The following ADGRL2 variants were observed in gnomAD, a reference collection of about 807,000 sequenced individuals.
ADGRL2 encodes calcium-independent alpha-latrotoxin receptor 2.
ADGRL2 carries 44 observed loss-of-function variants against 157.4 expected under a neutral mutation model. That is an observed-to-expected ratio of 0.28 (90% CI 0.22 to 0.36). The LOEUF is 0.36. Ranked by LOEUF, ADGRL2 falls within the 10% of genes least tolerant of loss-of-function variation. ADGRL2 has a pLI of 1.00. For synonymous variants in ADGRL2, 585 were observed against 624.7 expected (o/e 0.94, Z 0.95); for missense variants, 1,510 against 1,768.9 (o/e 0.85, Z 2.63).
rs71085382 is a variant in ADGRL2 at position 81,993,087 on chromosome 1, A to AT, written c.*1974dup. Among the ~76,000 whole-genome samples, 30 of 29,200 alleles carry AT rather than the reference A, an allele frequency of 1.0e-3. 3 individuals carry two copies. Among genetic ancestry groups the AT allele is most frequent in the African/African-American group, 1.2e-3 (7 of 5,762 alleles). The allele number at this position is 29,200 out of a possible 152,430, so 19.2% of individuals were successfully genotyped here. The stretch of plus-strand genomic sequence containing the variant: ...TATATATATATATATATATATATAT[A>AT]TTTTTTTTTTTTTTTTTTTTTTTTT... On this transcript the variant is annotated 3_prime_UTR_variant, in exon 24 of 24. Coordinates refer to ENST00000686636, the MANE Select transcript of ADGRL2 (RefSeq NM_001366006.2).
intron 6 of ADGRL2, among the ~76,000 whole-genome samples, chr1:81,947,132 G>A (rs187771840): frequency 2.6e-5 from 4 of 152,064 alleles, no homozygotes; most frequent in East Asian, 3.9e-4. Flanking sequence ...TGCATGATAC[G>A]GCATCCGGAT....
intron 11 of ADGRL2, among the ~76,000 whole-genome samples, chr1:81,964,293 T>C (rs1656400844): frequency 6.6e-6 from 1 of 152,100 alleles, no homozygotes; most frequent in African/African-American, 2.4e-5. Flanking sequence ...GATATTCTTC[T>C]TTCATCCTGT....
At chr1:81,632,651 C>G (rs909175189) in intron 3 of ADGRL2, among the ~76,000 whole-genome samples, 12 of 151,476 alleles carry the variant, frequency 7.9e-5, no homozygotes, top group African/African-American at 2.2e-4. Flanking sequence ...CCCAACTACT[C>G]GGGAGGCTGA....
chr1:81,487,644 C>CA (rs60645399), intron 2 of ADGRL2, among the ~76,000 whole-genome samples: 20 of 147,574 alleles, frequency 1.4e-4, no homozygotes, highest in South Asian at 4.3e-4. Flanking sequence ...GACTCCATCT[C>CA]AAAAAAAAAG....
At chr1:81,594,225 GC>G (rs896680178) in intron 3 of ADGRL2, among the ~76,000 whole-genome samples, 3 of 152,074 alleles carry the variant, frequency 2.0e-5, no homozygotes, top group Non-Finnish European at 2.9e-5. Context: ...CAATAAACAA[GC>G]AAATAGGAAT....
intron 3 of ADGRL2, chr1:81,586,028 C>T (rs2081018580): frequency 6.6e-6 from 1 of 151,962 alleles, no homozygotes; most frequent in Non-Finnish European, 1.5e-5. Flanking sequence ...ATAAAATTTA[C>T]ATCTCCAAAC....
intron 2 of ADGRL2, among the ~76,000 whole-genome samples, chr1:81,558,931 A>C (rs2080377087): frequency 1.3e-5 from 2 of 152,090 alleles, no homozygotes; most frequent in Admixed American, 1.3e-4. Context: ...GCTCACAAAC[A>C]ATAAAGAATT....
intron 1 of ADGRL2, among the ~76,000 whole-genome samples, chr1:81,759,086 T>C (rs1211525801): frequency 6.6e-6 from 1 of 152,160 alleles, no homozygotes; most frequent in African/African-American, 2.4e-5. Flanking sequence ...ATATAAGACC[T>C]GCACTTTAAA....
intron 1 of ADGRL2, among the ~76,000 whole-genome samples, chr1:81,309,599 T>G (rs577738835): frequency 6.6e-6 from 1 of 152,300 alleles, no homozygotes; most frequent in South Asian, 2.1e-4. Flanking sequence ...GATTCTGATT[T>G]TCCAACTCTT....
intron 2 of ADGRL2, among the ~76,000 whole-genome samples, chr1:81,776,139 C>G (rs1377646219): frequency 2.0e-5 from 3 of 151,796 alleles, no homozygotes; most frequent in Non-Finnish European, 2.9e-5. Flanking sequence ...AAAATTCTGA[C>G]TATAAGTGGT....
intron 2 of ADGRL2, among the ~76,000 whole-genome samples, chr1:81,863,757 C>T (rs1014491565): frequency 7.2e-5 from 11 of 152,096 alleles, no homozygotes; most frequent in Admixed American, 3.9e-4. Context: ...CACAAAGATA[C>T]GTAGTTGATT....
At chr1:81,893,814 C>T (rs977633978) in intron 2 of ADGRL2, among the ~76,000 whole-genome samples, 1 of 152,138 alleles carries the variant, frequency 6.6e-6, no homozygotes, top group Non-Finnish European at 1.5e-5. Context: ...TCCCTGCTTT[C>T]CCCTTTCCCC....
At chr1:81,729,752 T>C (rs1260161989) in intron 1 of ADGRL2, among the ~76,000 whole-genome samples, 1 of 152,216 alleles carries the variant, frequency 6.6e-6, no homozygotes, top group East Asian at 1.9e-4. Context: ...GAAAATAAAT[T>C]ACATTTAAGT....
At chr1:81,599,934 A>T (rs1474601204) in intron 3 of ADGRL2, among the ~76,000 whole-genome samples, 1 of 152,242 alleles carries the variant, frequency 6.6e-6, no homozygotes, top group Admixed American at 6.5e-5. Context: ...TCTGCAAAGC[A>T]AATTAAATGT....
intron 1 of ADGRL2, among the ~76,000 whole-genome samples, chr1:81,702,265 C>T (rs746856448): frequency 3.9e-5 from 6 of 152,162 alleles, no homozygotes; most frequent in Admixed American, 6.5e-5. Flanking sequence ...AGTAGGCAGG[C>T]ATCTACCTAC....
chr1:81,986,064 A>T (rs1663055230), intron 21 of ADGRL2, among the ~76,000 whole-genome samples: 1 of 152,172 alleles, frequency 6.6e-6, no homozygotes, highest in East Asian at 1.9e-4. Flanking sequence ...AAATGGAAAA[A>T]GGTGTATGTG....
At chr1:81,508,446 C>T (rs529048990) in intron 2 of ADGRL2, among the ~76,000 whole-genome samples, 5 of 152,146 alleles carry the variant, frequency 3.3e-5, no homozygotes, top group African/African-American at 9.7e-5. Flanking sequence ...ATTATGGGTT[C>T]GCCAGTGTGC....
chr1:81,608,238 G>A (rs1311663634), intron 3 of ADGRL2, among the ~76,000 whole-genome samples: 5 of 152,098 alleles, frequency 3.3e-5, no homozygotes, highest in African/African-American at 1.2e-4. Flanking sequence ...CTGGGTGAAG[G>A]GTGGGTCAGA....
At chr1:81,776,152 T>G (rs749288610) in intron 2 of ADGRL2, among the ~76,000 whole-genome samples, 4 of 152,024 alleles carry the variant, frequency 2.6e-5, no homozygotes, top group Non-Finnish European at 4.4e-5. Flanking sequence ...TAAGTGGTTG[T>G]GTTTTTAAAT....
Sources: allele counts gnomAD v4.1 joint callset (sites outside exome capture counted in the v4.1 genomes callset), GRCh38; gene constraint gnomAD v4.1.1; transcripts MANE v1.5; gene names NCBI Gene and HGNC (gene_info 2026-07-23, HGNC 2026-07-21).